The following HTRA3 variants were observed in gnomAD, a reference collection of about 807,000 sequenced individuals.
HTRA3 encodes HtrA serine peptidase 3, also known as serine protease HTRA3.
Under a neutral mutation model 43.2 loss-of-function variants are expected in HTRA3, and 41 were observed. The observed-to-expected ratio is 0.95, with a 90% CI of 0.74 to 1.23. HTRA3 has a LOEUF of 1.23. Ranked by LOEUF, HTRA3 falls within the 50% of genes most tolerant of loss-of-function variation. HTRA3 has a pLI of 0.00. For synonymous variants in HTRA3, 295 were observed against 287.9 expected (o/e 1.02, Z -0.25); for missense variants, 628 against 647.1 (o/e 0.97, Z 0.32).
chr4:8,285,309 C>T (rs371010313), intron 2 of HTRA3, among the ~76,000 whole-genome samples: 2 of 152,202 alleles, frequency 1.3e-5, no homozygotes, highest in East Asian at 1.9e-4. Context: ...GCAGGGTGCC[C>T]ATGAGCATTC....
chr4:8,275,936 C>G (rs1003779121), intron 1 of HTRA3, among the ~76,000 whole-genome samples: 4 of 152,230 alleles, frequency 2.6e-5, no homozygotes, highest in African/African-American at 9.6e-5. Flanking sequence ...CTCGAAGTGT[C>G]TGCCTTGTTT....
At chr4:8,293,131 A>T (rs188152582) in intron 5 of HTRA3, among the ~76,000 whole-genome samples, 1 of 152,322 alleles carries the variant, frequency 6.6e-6, no homozygotes, top group African/African-American at 2.4e-5. Context: ...CTGGTGGCCC[A>T]TGTCCTGCTG....
rs985881658 is a variant in HTRA3 at position 8,306,074 on chromosome 4, C to T, written c.1300C>T (p.Leu434=). Residue 434 remains leucine (L), a synonymous_variant, in exon 9 of 9, where the codon CTG becomes TTG. Coordinates refer to ENST00000307358, the MANE Select transcript of HTRA3 (RefSeq NM_053044.5). This position sits in a 1 kb window ranked among gnomAD's most constrained non-coding sequence, Gnocchi z 8.9. ...CGTGCTGACCGAGTCTCCTCTCCTA[C>T]TGGAGGTGCGGCGGGGGAACGACGA... The part of the protein sequence containing the change: ...EAVLTESPLL[L]EVRRGNDDLL... The T allele has an allele frequency of 1.9e-6, 3 of 1,611,228 alleles. No homozygotes were observed. The highest frequency in any genetic ancestry group is 3.3e-5 in the Admixed American group (2 of 59,888).
rs990192954 is a variant in HTRA3 at position 8,295,215 on chromosome 4, A to T, written c.1051+1014A>T. ...TGTCCGTCTATTCTTCCATCCATCT[A>T]CCCACTCCTGAGTACTTCCTCTTCC... is the stretch of plus-strand genomic sequence containing the variant. On this transcript the variant is annotated intron_variant, in intron 6 of 8. Transcript: ENST00000307358. The surrounding 1 kb of genome is among the most constrained non-coding windows in gnomAD (Gnocchi z 6.9). 3.0e-4 allele frequency among the ~76,000 whole-genome samples: 46 copies of T among 151,220 alleles called. No homozygotes were observed. Among genetic ancestry groups the T allele is most frequent in the Non-Finnish European group, 5.3e-4 (36 of 67,850 alleles).
rs368888672 is a variant in HTRA3, at chr4:8,306,181, G to T, written c.*45G>T. The T allele has an allele frequency of 9.9e-6, 15 of 1,519,580 alleles. No individual in the cohort carries two copies. The highest frequency in any genetic ancestry group is 1.4e-5 in the African/African-American group (1 of 72,168). The allele number at this position is 1,519,580 out of a possible 1,614,324, so 94.1% of individuals were successfully genotyped here. A position where few individuals can be genotyped will look rare whatever the true frequency, so the allele number is the denominator to read the frequency against. ...CCAAGCGTCAGAGCCTGCAGACAACGGAGGGCAGCGCCCCCCCGAGATCAG... is the reference window on the plus strand; with the variant it reads ...CCAAGCGTCAGAGCCTGCAGACAACTGAGGGCAGCGCCCCCCCGAGATCAG... On this transcript the variant is annotated 3_prime_UTR_variant, in exon 9 of 9. Coordinates refer to ENST00000307358, the MANE Select transcript of HTRA3 (RefSeq NM_053044.5). The surrounding 1 kb of genome is among the most constrained non-coding windows in gnomAD (Gnocchi z 8.9).
chr4:8,302,882 C>T (rs1713716133), intron 7 of HTRA3, among the ~76,000 whole-genome samples: 1 of 152,206 alleles, frequency 6.6e-6, no homozygotes, highest in African/African-American at 2.4e-5. Flanking sequence ...ACTTCCTTGC[C>T]CCTTCCAGCT....
At chr4:8,299,631 A>G (rs1713568561) in intron 6 of HTRA3, among the ~76,000 whole-genome samples, 1 of 152,134 alleles carries the variant, frequency 6.6e-6, no homozygotes, top group Admixed American at 6.5e-5. Flanking sequence ...ATCCTTTCTC[A>G]GGTTGAAAAG....
chr4:8,274,175 T>C (rs1267906891), intron 1 of HTRA3, among the ~76,000 whole-genome samples: 1 of 152,248 alleles, frequency 6.6e-6, no homozygotes, highest in Non-Finnish European at 1.5e-5. Context: ...CCTCATCCCC[T>C]GTGCTCTGGC....
Position 8,282,479 on chromosome 4 carries a change from T to C in HTRA3, c.428T>C (p.Ile143Thr). ...LSSPRYKFNF[I>T]ADVVEKIAPA... ...AGCCCGCGCTACAAGTTCAACTTCATTGCTGACGTGGTGGAGAAGATCGCA... is the reference window on the plus strand; with the variant it reads ...AGCCCGCGCTACAAGTTCAACTTCACTGCTGACGTGGTGGAGAAGATCGCA... The change falls in exon 2 of 9, where the codon ATT (isoleucine) becomes ACT (threonine). Residue 143 changes from isoleucine to threonine, a missense_variant. Coordinates refer to ENST00000307358, the MANE Select transcript of HTRA3 (RefSeq NM_053044.5). The C allele has an allele frequency of 6.2e-7, 1 of 1,614,130 alleles. No individual in the cohort carries two copies. Among genetic ancestry groups the C allele is most frequent in the Non-Finnish European group, 8.5e-7 (1 of 1,180,008 alleles).
rs536003642 is a variant in HTRA3, at chr4:8,291,815, A to G, written c.903+251A>G. Among the ~76,000 whole-genome samples, 30 of 152,362 alleles carry G rather than the reference A, an allele frequency of 2.0e-4. No individual in the cohort carries two copies. The South Asian group carries it at 6.0e-3, about 30-fold the overall frequency. On this transcript the variant is annotated intron_variant, in intron 4 of 8. Transcript: ENST00000307358. ...GGCAGCCTTTCAGAGAAACAGAGGC[A>G]TGGCCACAGCCCGCAAACACCTTTG...
intron 1 of HTRA3, among the ~76,000 whole-genome samples, chr4:8,272,436 G>A (rs1202658607): frequency 6.6e-6 from 1 of 152,184 alleles, no homozygotes; most frequent in East Asian, 1.9e-4. Context: ...CAGTGCTCCG[G>A]GGTCTGCAGT....
chr4:8,271,039 C>T (rs962554815), intron 1 of HTRA3, among the ~76,000 whole-genome samples: 3 of 152,136 alleles, frequency 2.0e-5, no homozygotes, highest in Admixed American at 2.0e-4. Context: ...TGTGGCCGGA[C>T]AGGGGTTCAC....
chr4:8,281,726 T>A (rs1208767371), intron 1 of HTRA3, among the ~76,000 whole-genome samples: 3 of 152,216 alleles, frequency 2.0e-5, no homozygotes, highest in Non-Finnish European at 4.4e-5. Flanking sequence ...CTCAGGCCTG[T>A]GGTCCTGGCA....
At chr4:8,290,542 T>C (rs1334765223) in intron 3 of HTRA3, among the ~76,000 whole-genome samples, 1 of 152,192 alleles carries the variant, frequency 6.6e-6, no homozygotes. Flanking sequence ...AACGGTGACA[T>C]CTTAGGTAAT....
At chr4:8,294,345 C>A in intron 6 of HTRA3, 144 bp downstream of exon 6, 1 of 583,782 alleles carries the variant, frequency 1.7e-6, no homozygotes, top group Non-Finnish European at 3.0e-6. Flanking sequence ...GTCTGCCCAC[C>A]CCAAAGCTGT....
intron 1 of HTRA3, among the ~76,000 whole-genome samples, chr4:8,274,684 A>C (rs4077992): frequency 0.3 from 45,145 of 151,994 alleles, 6,957 homozygotes; most frequent in South Asian, 0.49. Flanking sequence ...CGGGATGGTA[A>C]AAGCAGGGAT....
intron 6 of HTRA3, among the ~76,000 whole-genome samples, chr4:8,294,566 ATCCGTCCGTCCG>A (rs140885403): frequency 1.1e-3 from 68 of 60,050 alleles, no homozygotes; most frequent in African/African-American, 5.1e-3. Flanking sequence ...CTTTCCTTCT[ATCCGTCCGTCCG>A]TCCGTCCATC....
Position 8,295,556 on chromosome 4 carries a change from C to G in HTRA3, c.1051+1355C>G. 3.9e-6 allele frequency: 2 copies of G among 517,020 alleles called. No homozygotes were observed. The highest frequency in any genetic ancestry group is 6.1e-6 in the Non-Finnish European group (2 of 327,442). The allele number at this position is 517,020 out of a possible 1,614,324, so 32.0% of individuals were successfully genotyped here. A position where few individuals can be genotyped will look rare whatever the true frequency, so the allele number is the denominator to read the frequency against. ...CCAATCGCAGGGCCTTTCCTGGGGGCCTCTCCCTCCCCACCTTCTCTTCAG... is the reference window on the plus strand; with the variant it reads ...CCAATCGCAGGGCCTTTCCTGGGGGGCTCTCCCTCCCCACCTTCTCTTCAG... On this transcript the variant is annotated intron_variant, in intron 6 of 8. Coordinates refer to ENST00000307358, the MANE Select transcript of HTRA3 (RefSeq NM_053044.5). This position sits in a 1 kb window ranked among gnomAD's most constrained non-coding sequence, Gnocchi z 6.9.
At chr4:8,288,814 C>G (rs1287697442) in intron 3 of HTRA3, among the ~76,000 whole-genome samples, 1 of 150,548 alleles carries the variant, frequency 6.6e-6, no homozygotes, top group Non-Finnish European at 1.5e-5. Context: ...TCAGGTGATC[C>G]CCTGCCTTGG....
Sources: gnomAD v4.1 joint callset for allele counts (sites outside exome capture counted in the v4.1 genomes callset) on GRCh38, gnomAD v4.1.1 for gene constraint, Gnocchi (gnomAD v3.1) non-coding constraint, MANE v1.5 for transcripts, NCBI Gene and HGNC (gene_info 2026-07-23, HGNC 2026-07-21) for gene names.